The following RFX3 variants were observed in gnomAD, a reference collection of about 807,000 sequenced individuals.
RFX3 encodes the protein regulatory factor X3, also known as transcription factor RFX3.
In RFX3, 14 loss-of-function variants were observed where a neutral mutation model predicts 98.6. The observed-to-expected ratio is 0.14, with a 90% CI of 0.09 to 0.22. The LOEUF (loss-of-function observed/expected upper bound fraction) is 0.22. RFX3 is among the 10% of genes least tolerant of loss of function. The pLI is 1.00. For synonymous variants in RFX3, 383 were observed against 328.4 expected (o/e 1.17, Z -1.80); for missense variants, 639 against 926.9 (o/e 0.69, Z 4.03).
intron 1 of RFX3, among the ~76,000 whole-genome samples, chr9:3,493,682 CA>C (rs71324250): frequency 0.012 from 933 of 79,450 alleles, 11 homozygotes; most frequent in East Asian, 0.031. Context: ...AGACTCATCT[CA>C]AAAAAAAAAA....
chr9:3,354,608 T>C (rs1464420024), intron 2 of RFX3, among the ~76,000 whole-genome samples: 1 of 151,856 alleles, frequency 6.6e-6, no homozygotes, highest in Admixed American at 6.6e-5. Context: ...TAAATTTCCA[T>C]AACCAGTGAA....
chr9:3,386,918 G>C (rs980984826), intron 2 of RFX3, among the ~76,000 whole-genome samples: 2 of 152,078 alleles, frequency 1.3e-5, no homozygotes, highest in Non-Finnish European at 2.9e-5. Flanking sequence ...ACATATGAAG[G>C]TATCACAAAT....
rs535413576 is a variant in RFX3, at chr9:3,506,060, T to A, written c.-9+19687A>T. Among the ~76,000 whole-genome samples the A allele has an allele frequency of 7.2e-5, 11 of 151,828 alleles. No individual in the cohort carries two copies. In the East Asian group the frequency reaches 2.1e-3, roughly 29 times the overall value. On this transcript the variant is annotated intron_variant, in intron 1 of 16. Transcript: ENST00000617270. ...GCATGTATATTAAAACTTACAGAAA[T>A]TGAAGAGCACTCCTTAAGTCTGGAA... is the stretch of plus-strand genomic sequence containing the variant.
At chr9:3,320,784 T>TGC (rs1831197407) in intron 4 of RFX3, among the ~76,000 whole-genome samples, 1 of 122,578 alleles carries the variant, frequency 8.2e-6, no homozygotes, top group Non-Finnish European at 1.6e-5. Flanking sequence ...TATATATATA[T>TGC]ATATATATAT....
intron 2 of RFX3, among the ~76,000 whole-genome samples, chr9:3,366,698 CTT>C (rs957110907): frequency 3.2e-5 from 2 of 61,746 alleles, no homozygotes; most frequent in African/African-American, 6.5e-5. Flanking sequence ...TCTTTCCTTT[CTT>C]TCTTTCTTTC....
chr9:3,342,164 T>G (rs1313637474), intron 3 of RFX3, among the ~76,000 whole-genome samples: 4 of 152,236 alleles, frequency 2.6e-5, no homozygotes, highest in African/African-American at 9.6e-5. Context: ...TGTCAATATA[T>G]ATTAGTGTAC....
In RFX3 at chr9:3,231,053, C is replaced by T. The variant is rs190492664; in HGVS notation, c.1969-2164G>A. Among the ~76,000 whole-genome samples, 17 of 152,274 alleles carry T rather than the reference C, an allele frequency of 1.1e-4. No individual in the cohort carries two copies. The East Asian group carries it at 3.1e-3, about 28-fold the overall frequency. Reference sequence around the variant, plus strand: ...AAACAGAAACCAAAACAGCTGAAATCTCAGTGATTGTTATTATCATTAACA... The same window carrying T: ...AAACAGAAACCAAAACAGCTGAAATTTCAGTGATTGTTATTATCATTAACA... On this transcript the variant is annotated intron_variant, in intron 15 of 16. Transcript: ENST00000617270.
At position 3,218,479 on chromosome 9, in the gene RFX3, A is replaced by C. The variant is rs1817185864; in HGVS notation, c.*6563T>G. 1 of 152,150 alleles carries C rather than the reference A, an allele frequency of 6.6e-6. No individual in the cohort carries two copies. Among genetic ancestry groups the C allele is most frequent in the Admixed American group, 6.5e-5 (1 of 15,270 alleles). 9.4% of individuals were successfully genotyped at this position (152,150 alleles called of 1,614,324 possible). ...CTAAAAGTTAATATATATTTTTATAATTATAAAAGTTCCCCAGTTATTGTA... is the reference window on the plus strand; with the variant it reads ...CTAAAAGTTAATATATATTTTTATACTTATAAAAGTTCCCCAGTTATTGTA... On this transcript the variant is annotated 3_prime_UTR_variant, in exon 17 of 17. Transcript: ENST00000617270.
intron 1 of RFX3, among the ~76,000 whole-genome samples, chr9:3,414,858 GTATATATGTATATATATGAGTA>G (rs1842808092): frequency 7.4e-6 from 1 of 135,680 alleles, no homozygotes; most frequent in East Asian, 2.1e-4. Context: ...GTATATATGA[GTATATATGTATATATATGAGTA>G]TATATAAGTA....
At chr9:3,469,299 T>G in intron 1 of RFX3, 1 of 305,108 alleles carries the variant, frequency 3.3e-6, no homozygotes, top group Non-Finnish European at 6.7e-6. Context: ...TTATTTTCTT[T>G]ACCTACCAAT....
In RFX3 at chr9:3,225,225, C is replaced by T; in HGVS notation, c.2067G>A (p.Glu689=). The T allele has an allele frequency of 1.9e-6, 3 of 1,613,854 alleles. No homozygotes were observed. Among genetic ancestry groups the T allele is most frequent in the Non-Finnish European group, 2.5e-6 (3 of 1,179,906 alleles). ...EMDEELDDSS[E]PQAKREKTEL... Reference sequence around the variant, plus strand: ...CTGTTTTCTCTCTTTTGGCTTGAGGCTCTGAAGAGTCATCCAGTTCTTCAT... The same window carrying T: ...CTGTTTTCTCTCTTTTGGCTTGAGGTTCTGAAGAGTCATCCAGTTCTTCAT... Residue 689 remains glutamate (E), a synonymous_variant, in exon 17 of 17, where the codon GAG becomes GAA. Transcript: ENST00000617270.
At chr9:3,356,249 AT>A (rs745327757) in intron 2 of RFX3, among the ~76,000 whole-genome samples, 4 of 151,772 alleles carry the variant, frequency 2.6e-5, no homozygotes, top group East Asian at 3.8e-4. Flanking sequence ...ACAGAAAAAA[AT>A]AATTGAAACA....
At chr9:3,352,704 C>G (rs1290876018) in intron 2 of RFX3, among the ~76,000 whole-genome samples, 1 of 151,958 alleles carries the variant, frequency 6.6e-6, no homozygotes, top group African/African-American at 2.4e-5. Flanking sequence ...TGTTTTCAGT[C>G]ATGTGACAAA....
At chr9:3,356,908 A>G (rs1008143731) in intron 2 of RFX3, among the ~76,000 whole-genome samples, 1 of 151,488 alleles carries the variant, frequency 6.6e-6, no homozygotes, top group Non-Finnish European at 1.5e-5. Flanking sequence ...CCAGAAAAGC[A>G]TTTGACAAAA....
intron 1 of RFX3, among the ~76,000 whole-genome samples, chr9:3,415,904 T>G (rs1477191352): frequency 6.6e-6 from 1 of 152,188 alleles, no homozygotes; most frequent in Non-Finnish European, 1.5e-5. Flanking sequence ...CCACTAGCCT[T>G]CCTGAAGTTT....
intron 1 of RFX3, among the ~76,000 whole-genome samples, chr9:3,450,246 G>A (rs1384732662): frequency 1.3e-5 from 2 of 152,122 alleles, no homozygotes; most frequent in Non-Finnish European, 2.9e-5. Context: ...TGATCTATGT[G>A]AAAATACCTC....
Position 3,293,180 on chromosome 9 carries a change from G to A in RFX3, c.628C>T (p.Arg210Ter). Reference protein sequence around the residue: ...PRSTLYNHYLRHCQEHKLDPV... With the variant: ...PRSTLYNHYL ...TCCAGTTTGTGTTCCTGACAGTGTC[G>A]AAGGTAGTGGTTGTACAGAGTGCTT... Residue 210 changes from arginine to a stop codon, truncating the protein, a stop_gained, in exon 6 of 17, where the codon CGA becomes TGA. Transcript: ENST00000617270. LOFTEE classifies it high-confidence loss of function. The A allele has an allele frequency of 6.2e-7, 1 of 1,613,356 alleles. No homozygotes were observed. Among genetic ancestry groups the A allele is most frequent in the South Asian group, 1.1e-5 (1 of 90,972 alleles).
intron 2 of RFX3, among the ~76,000 whole-genome samples, chr9:3,365,027 C>T (rs1836886531): frequency 6.6e-6 from 1 of 152,008 alleles, no homozygotes; most frequent in Non-Finnish European, 1.5e-5. Context: ...ACAGGCCGGG[C>T]GTGGTGGCTC....
intron 2 of RFX3, among the ~76,000 whole-genome samples, chr9:3,387,176 C>T (rs183055676): frequency 1.3e-5 from 2 of 152,240 alleles, no homozygotes; most frequent in African/African-American, 4.8e-5. Flanking sequence ...CTCCCAAAGA[C>T]AATCTTCCAT....
Sources: gnomAD v4.1 joint callset for allele counts (sites outside exome capture counted in the v4.1 genomes callset) on GRCh38, gnomAD v4.1.1 for gene constraint, MANE v1.5 for transcripts, NCBI Gene and HGNC (gene_info 2026-07-23, HGNC 2026-07-21) for gene names.